Variants in CRTC3 observed in about 807,000 individuals in gnomAD.
CRTC3 encodes the protein CREB-regulated transcription coactivator 3.
A neutral mutation model predicts 74.5 loss-of-function variants in CRTC3; 26 were observed. That is an observed-to-expected ratio of 0.35 (90% CI 0.26 to 0.48). The LOEUF is 0.48. Among genes scored for constraint, CRTC3 ranks in the 20% least tolerant of loss-of-function variants. The probability of loss-of-function intolerance (pLI) is 0.99; values close to 1 mark genes in which losing one functional copy is unlikely to be tolerated. For synonymous variants in CRTC3, 377 were observed against 325.8 expected (o/e 1.16, Z -1.69); for missense variants, 760 against 787.3 (o/e 0.97, Z 0.41).
chr15:90,565,124 T>G (rs1313374310), intron 2 of CRTC3, among the ~76,000 whole-genome samples: 1 of 152,156 alleles, frequency 6.6e-6, no homozygotes, highest in Non-Finnish European at 1.5e-5. Flanking sequence ...TATTTTTAGT[T>G]TTTAGTAGAG....
intron 8 of CRTC3, 179 bp downstream of exon 8, chr15:90,618,147 G>T: frequency 2.7e-6 from 1 of 375,676 alleles, no homozygotes; most frequent in Non-Finnish European, 4.9e-6. Flanking sequence ...TCGCGCTTGT[G>T]TCAATGAATT....
chr15:90,578,349 C>T lies in CRTC3; in HGVS notation c.232-15287C>T, dbSNP rs1967455498. The stretch of plus-strand genomic sequence containing the variant: ...ATCATCTGAGGTTAGGAGTTCGAGA[C>T]CAGCCTGGCCAACATAGCAAAACCC... On this transcript the variant is annotated intron_variant, in intron 2 of 14. Transcript: ENST00000268184. Among the ~76,000 whole-genome samples the T allele has an allele frequency of 2.0e-5, 3 of 151,998 alleles. No individual in the cohort carries two copies. The East Asian group carries it at 5.8e-4, about 30-fold the overall frequency.
intron 2 of CRTC3, among the ~76,000 whole-genome samples, chr15:90,588,259 C>CA (rs11397268): frequency 0.7 from 96,906 of 137,610 alleles, 34,185 homozygotes; most frequent in South Asian, 0.85. Context: ...GACTCTGTCT[C>CA]AAAAAAAAAA....
rs1442766937 is a variant in CRTC3, at chr15:90,530,086, G to A, written c.15G>A (p.Pro5=). The change falls in exon 1 of 15, where the codon CCG becomes CCA. Residue 5 remains proline, a synonymous_variant. Coordinates refer to ENST00000268184, the MANE Select transcript of CRTC3 (RefSeq NM_022769.5). The surrounding 1 kb of genome is among the most constrained non-coding windows in gnomAD (Gnocchi z 6.2). ...GAGTCCGCGCCATGGCCGCCTCGCC[G>A]GGCTCGGGCAGCGCCAACCCGCGGA... The part of the protein sequence containing the change: MAAS[P]GSGSANPRKF... The A allele has an allele frequency of 1.4e-5, 20 of 1,439,814 alleles. No individual in the cohort carries two copies. The highest frequency in any genetic ancestry group is 3.1e-5 in the East Asian group (1 of 31,828). 89.2% of individuals were successfully genotyped at this position (1,439,814 alleles called of 1,614,324 possible).
chr15:90,642,228 C>T lies in CRTC3; in HGVS notation c.*88C>T, dbSNP rs181085530. On this transcript the variant is annotated 3_prime_UTR_variant, in exon 15 of 15. Transcript: ENST00000268184. The stretch of plus-strand genomic sequence containing the variant: ...GAAGCCAGCTGATACCACGGGCTTT[C>T]GTTATCTTGACATAGAAGGAAGCAA... 17 of 1,127,732 alleles carry T rather than the reference C, an allele frequency of 1.5e-5. No homozygotes were observed. Among genetic ancestry groups the T allele is most frequent in the African/African-American group, 6.1e-5 (4 of 65,630 alleles). 69.9% of individuals were successfully genotyped at this position (1,127,732 alleles called of 1,614,324 possible).
Position 90,629,451 on chromosome 15 carries a change from T to C in CRTC3, c.1185T>C (p.Leu395=). The change falls in exon 11 of 15, where the codon CTT becomes CTC. Residue 395 remains leucine (L), a synonymous_variant. Transcript: ENST00000268184. ...AGCCTCCCGTCAGCCCTCTCACGCT[T>C]TCTCCTGGCCCTGAAGCACATCAAG... is the stretch of plus-strand genomic sequence containing the variant. ...RRQPPVSPLT[L]SPGPEAHQGF... is the part of the protein sequence containing the mutation. 6.2e-7 allele frequency: 1 copy of C among 1,614,094 alleles called. No homozygotes were observed. The highest frequency in any genetic ancestry group is 1.1e-5 in the South Asian group (1 of 91,070).
chr15:90,592,176 T>C (rs528537818), intron 2 of CRTC3, among the ~76,000 whole-genome samples: 5 of 152,328 alleles, frequency 3.3e-5, no homozygotes, highest in Admixed American at 2.0e-4. Flanking sequence ...TATAAAAACA[T>C]TGCGTCACAG....
chr15:90,592,130 C>A (rs1271823457), intron 2 of CRTC3, among the ~76,000 whole-genome samples: 1 of 152,086 alleles, frequency 6.6e-6, no homozygotes, highest in Non-Finnish European at 1.5e-5. Flanking sequence ...CCATGTTTAA[C>A]AAAGAAAAAT....
At position 90,530,335 on chromosome 15, in the gene CRTC3, AG is replaced by A. The variant is rs1966605298; in HGVS notation, c.132+137del. On this transcript the variant is annotated intron_variant, in intron 1 of 14. Transcript: ENST00000268184. This position sits in a 1 kb window ranked among gnomAD's most constrained non-coding sequence, Gnocchi z 6.2. ...CCGCGCCCGGGAACCGGCGGCTGGG[AG>A]GGGGACCGGAGCGGCCGCGGCCTCG... 1 of 422,904 alleles carries A rather than the reference AG, an allele frequency of 2.4e-6. No homozygotes were observed. 26.2% of individuals were successfully genotyped at this position (422,904 alleles called of 1,614,324 possible). A position where few individuals can be genotyped will look rare whatever the true frequency, so the allele number is the denominator to read the frequency against.
At chr15:90,596,819 C>T (rs8028854) in intron 3 of CRTC3, among the ~76,000 whole-genome samples, 101,972 of 152,088 alleles carry the variant, frequency 0.67, 35,437 homozygotes, top group Non-Finnish European at 0.77. Context: ...AAGTATAAAA[C>T]ACTAGTTTGA....
At chr15:90,595,714 G>A (rs1022002487) in intron 3 of CRTC3, 2 of 151,892 alleles carry the variant, frequency 1.3e-5, no homozygotes, top group African/African-American at 4.8e-5. Flanking sequence ...TTTGAAGTAC[G>A]GTCTAAATGT....
At chr15:90,561,081 C>T (rs939319906) in intron 2 of CRTC3, among the ~76,000 whole-genome samples, 1 of 152,152 alleles carries the variant, frequency 6.6e-6, no homozygotes, top group Non-Finnish European at 1.5e-5. Flanking sequence ...GATCGTTAGT[C>T]TCTCTGTGTC....
intron 7 of CRTC3, among the ~76,000 whole-genome samples, chr15:90,615,354 T>A (rs1281912222): frequency 6.6e-6 from 1 of 152,152 alleles, no homozygotes; most frequent in Non-Finnish European, 1.5e-5. Flanking sequence ...TTTCTCTAAA[T>A]CTTTATAATC....
At chr15:90,543,570 G>A (rs1359383737) in intron 2 of CRTC3, among the ~76,000 whole-genome samples, 2 of 152,128 alleles carry the variant, frequency 1.3e-5, no homozygotes, top group Non-Finnish European at 2.9e-5. Context: ...GCTCTACAGA[G>A]TAAGAGTGGG....
At chr15:90,626,861 C>T (rs1404152929) in intron 10 of CRTC3, among the ~76,000 whole-genome samples, 6 of 152,178 alleles carry the variant, frequency 3.9e-5, no homozygotes, top group African/African-American at 4.8e-5. Flanking sequence ...GTGATCCACC[C>T]GCCTTGGCCT....
rs929656183 is a variant in CRTC3 at position 90,602,968 on chromosome 15, A to C, written c.413+583A>C. Among the ~76,000 whole-genome samples, 17 of 151,998 alleles carry C rather than the reference A, an allele frequency of 1.1e-4. 1 individual carries two copies. Among genetic ancestry groups the C allele is most frequent in the Admixed American group, 1.1e-3 (17 of 15,238 alleles). Reference sequence around the variant, plus strand: ...CAGCCTGGTAACAGAGTGAGACTCCATCTCAAAAAACAAAAACAAACACCT... The same window carrying C: ...CAGCCTGGTAACAGAGTGAGACTCCCTCTCAAAAAACAAAAACAAACACCT... On this transcript the variant is annotated intron_variant, in intron 4 of 14. Transcript: ENST00000268184.
In CRTC3 at chr15:90,643,147, G is replaced by T. The variant is rs553104042; in HGVS notation, c.*1007G>T. The T allele has an allele frequency of 4.3e-6, 1 of 232,420 alleles. No homozygotes were observed. Among genetic ancestry groups the T allele is most frequent in the South Asian group, 1.8e-4 (1 of 5,522 alleles). The allele number at this position is 232,420 out of a possible 1,614,324, so 14.4% of individuals were successfully genotyped here. The stretch of plus-strand genomic sequence containing the variant: ...GTGCCTTATCATTGTTGAACCCGTA[G>T]CACCTAACACGTGCGTGGCAGCACA... On this transcript the variant is annotated 3_prime_UTR_variant, in exon 15 of 15. Coordinates refer to ENST00000268184, the MANE Select transcript of CRTC3 (RefSeq NM_022769.5).
Position 90,638,576 on chromosome 15 carries a change from A to G in CRTC3, c.1397A>G (p.Glu466Gly), listed in dbSNP as rs1251392859. The change falls in exon 12 of 15, where the codon GAG becomes GGG. Residue 466 changes from glutamate (E) to glycine (G), a missense_variant. Around this residue, in one of 2 missense-constraint regions of CRTC3, gnomAD observed 652 missense variants for 635.2 expected, o/e 1.03. Transcript: ENST00000268184. ...QPLLQQPRAP[E>G]APAQQPQAAS... is the part of the protein sequence containing the mutation. The stretch of plus-strand genomic sequence containing the variant: ...CTCCTGCAGCAGCCCCGCGCCCCTG[A>G]GGCCCCTGCCCAGCAGCCCCAGGCA... 6.2e-7 allele frequency: 1 copy of G among 1,613,074 alleles called. No homozygotes were observed. The highest frequency in any genetic ancestry group is 1.7e-5 in the Admixed American group (1 of 60,004).
At chr15:90,640,165 G>C (rs1969388349) in intron 13 of CRTC3, among the ~76,000 whole-genome samples, 2 of 152,164 alleles carry the variant, frequency 1.3e-5, no homozygotes, top group Non-Finnish European at 2.9e-5. Context: ...GTTTCCCAAA[G>C]AGCCATTTTA....
Sources: gnomAD v4.1 joint callset for allele counts (sites outside exome capture counted in the v4.1 genomes callset) on GRCh38, gnomAD v4.1.1 for gene constraint, gnomAD v4.1.1 regional missense constraint, Gnocchi (gnomAD v3.1) non-coding constraint, MANE v1.5 for transcripts, NCBI Gene and HGNC (gene_info 2026-07-23, HGNC 2026-07-21) for gene names.